The following FBXO34 variants were observed in gnomAD, a reference collection of about 807,000 sequenced individuals.
FBXO34 encodes F-box only protein 34.
Under a neutral mutation model 24.5 loss-of-function variants are expected in FBXO34, and 12 were observed. The ratio of observed to expected loss-of-function variants is 0.49; its 90% CI spans 0.31 to 0.79. The LOEUF is 0.79. FBXO34 is among the 30% of genes least tolerant of loss of function. The pLI is 0.04. For missense variants in FBXO34, 823 were observed against 857.7 expected (o/e 0.96, Z 0.51); for synonymous variants, 320 against 311.9 (o/e 1.03, Z -0.27).
At chr14:55,382,214 G>A in the FBXO34 span, 27 of 1,608,494 alleles carry the variant, frequency 1.7e-5, no homozygotes, top group East Asian at 6.7e-5. Context: ...AGACACACAC[G>A]GATTTTCAAG....
chr14:55,411,514 G>C, the FBXO34 span: 1 of 1,311,878 alleles, frequency 7.6e-7, no homozygotes, highest in South Asian at 1.4e-5. Context: ...TCTGGTGCCC[G>C]GACGGGGAGC....
the FBXO34 span, among the ~76,000 whole-genome samples, chr14:55,401,982 C>T: frequency 6.6e-6 from 1 of 152,286 alleles, no homozygotes; most frequent in East Asian, 1.9e-4. Flanking sequence ...GTTATGAATG[C>T]GAGTCTCACT....
intron 1 of FBXO34, among the ~76,000 whole-genome samples, chr14:55,289,719 A>C (rs1881879012): frequency 6.6e-6 from 1 of 151,856 alleles, no homozygotes; most frequent in South Asian, 2.1e-4. Context: ...TTATTTATTT[A>C]TTTATTTTTG....
At chr14:55,399,659 AG>A in the FBXO34 span, among the ~76,000 whole-genome samples, 1 of 152,250 alleles carries the variant, frequency 6.6e-6, no homozygotes, top group African/African-American at 2.4e-5. Context: ...AGACTAATAT[AG>A]TATTTACTTT....
chr14:55,282,819 A>G (rs1191224862), intron 1 of FBXO34, among the ~76,000 whole-genome samples: 1 of 152,224 alleles, frequency 6.6e-6, no homozygotes, highest in African/African-American at 2.4e-5. Context: ...AAACTGTAGA[A>G]TCATTCTTGG....
rs1194954541 is a variant in FBXO34 at position 55,352,053 on chromosome 14, T to TCCA, written c.1664_1665insCAC (p.Ser555_His556insThr). 13 of 1,614,162 alleles carry TCCA rather than the reference T, an allele frequency of 8.1e-6. No individual in the cohort carries two copies. The highest frequency in any genetic ancestry group is 1.1e-5 in the Non-Finnish European group (13 of 1,180,024). On this transcript the variant is annotated inframe_insertion, in exon 2 of 2. Transcript: ENST00000313833. ...GGCATCCAGTTGGAAGAAGCAGGTG[T>TCCA]CGCATGACTTCCTGGAGACCAGGTT...
At chr14:55,274,393 A>C (rs999905889) in intron 1 of FBXO34, among the ~76,000 whole-genome samples, 1 of 152,176 alleles carries the variant, frequency 6.6e-6, no homozygotes, top group African/African-American at 2.4e-5. Context: ...ACATTTTTAC[A>C]GTCTGTTTCT....
the FBXO34 span, among the ~76,000 whole-genome samples, chr14:55,439,264 A>G: frequency 7.2e-6 from 1 of 138,608 alleles, no homozygotes; most frequent in Non-Finnish European, 1.5e-5. Context: ...TTAAGTCTTA[A>G]GAGTAATTAA....
At chr14:55,345,929 C>T (rs1884145418) in intron 1 of FBXO34, among the ~76,000 whole-genome samples, 1 of 152,192 alleles carries the variant, frequency 6.6e-6, no homozygotes, top group Non-Finnish European at 1.5e-5. Context: ...TTGCTTGAGC[C>T]TGGGAGGTTG....
At chr14:55,435,278 A>ATTT in the FBXO34 span, among the ~76,000 whole-genome samples, 9,647 of 143,930 alleles carry the variant, frequency 0.067, 361 homozygotes, top group Non-Finnish European at 0.089. Flanking sequence ...GTCAGGTGAA[A>ATTT]TTTTTTTTTT....
chr14:55,378,412 A>G, the FBXO34 span, among the ~76,000 whole-genome samples: 1 of 152,226 alleles, frequency 6.6e-6, no homozygotes, highest in African/African-American at 2.4e-5. Context: ...CCTTTACAGA[A>G]AGGCAAACTA....
chr14:55,420,913 T>C, the FBXO34 span, among the ~76,000 whole-genome samples: 1 of 151,782 alleles, frequency 6.6e-6, no homozygotes, highest in East Asian at 1.9e-4. Context: ...CAAAAAAAAT[T>C]AGCTGGGCAT....
At chr14:55,362,954 G>T (rs373770849), downstream of FBXO34, among the ~76,000 whole-genome samples, 77 of 152,052 alleles carry the variant, frequency 5.1e-4, 2 homozygotes, top group Admixed American at 1.4e-3. Flanking sequence ...CAAAGGGAAG[G>T]TGAGGTCAGG....
At chr14:55,320,720 G>C (rs915204319) in intron 1 of FBXO34, among the ~76,000 whole-genome samples, 1 of 152,186 alleles carries the variant, frequency 6.6e-6, no homozygotes, top group Non-Finnish European at 1.5e-5. Context: ...ATCTGCCACT[G>C]CACTCCAGCC....
At chr14:55,273,860 C>T (rs1263398527) in intron 1 of FBXO34, among the ~76,000 whole-genome samples, 1 of 152,136 alleles carries the variant, frequency 6.6e-6, no homozygotes, top group East Asian at 1.9e-4. Flanking sequence ...GGCTGGAGTG[C>T]AGTGGTGCGA....
At chr14:55,373,447 G>A (rs372598154), downstream of FBXO34, among the ~76,000 whole-genome samples, 1 of 152,094 alleles carries the variant, frequency 6.6e-6, no homozygotes, top group East Asian at 1.9e-4. Flanking sequence ...GTATATGACT[G>A]TACTATTTTT....
chr14:55,330,227 G>GA (rs1555338425), intron 1 of FBXO34, among the ~76,000 whole-genome samples: 1 of 151,856 alleles, frequency 6.6e-6, no homozygotes, highest in Non-Finnish European at 1.5e-5. Context: ...TCCCTTTTAA[G>GA]TTTTTTTTGT....
Position 55,353,241 on chromosome 14 carries a change from A to G in FBXO34, c.*715A>G, listed in dbSNP as rs1467236430. On this transcript the variant is annotated 3_prime_UTR_variant, in exon 2 of 2. Transcript: ENST00000313833. ...CTAACGGAACAATATAATCACCACA[A>G]TGCAGCTAGGATAGTGTTGCGGCTA... 1 of 166,650 alleles carries G rather than the reference A, an allele frequency of 6.0e-6. No homozygotes were observed. The highest frequency in any genetic ancestry group is 1.5e-5 in the Non-Finnish European group (1 of 68,052). 10.3% of individuals were successfully genotyped at this position (166,650 alleles called of 1,614,324 possible).
the FBXO34 span, among the ~76,000 whole-genome samples, chr14:55,415,838 C>G: frequency 1.3e-5 from 2 of 152,106 alleles, no homozygotes; most frequent in African/African-American, 4.8e-5. Flanking sequence ...TACACTCCAG[C>G]CTGGGCGACA....
Sources: gnomAD v4.1 joint callset for allele counts (sites outside exome capture counted in the v4.1 genomes callset) on GRCh38, gnomAD v4.1.1 for gene constraint, MANE v1.5 for transcripts, NCBI Gene and HGNC (gene_info 2026-07-23, HGNC 2026-07-21) for gene names.